DENND6A: variants seen among roughly 807,000 people sequenced by gnomAD.
DENND6A encodes the protein protein DENND6A.
Under a neutral mutation model 95.5 loss-of-function variants are expected in DENND6A, and 43 were observed. The observed-to-expected ratio is 0.45, with a 90% CI of 0.35 to 0.58. The LOEUF is 0.58. Ranked by LOEUF, DENND6A falls within the 20% of genes least tolerant of loss-of-function variation. The pLI is 0.00. For synonymous variants in DENND6A, 257 were observed against 260.4 expected (o/e 0.99, Z 0.13); for missense variants, 574 against 736.0 (o/e 0.78, Z 2.55).
intron 12 of DENND6A, among the ~76,000 whole-genome samples, chr3:57,636,669 G>T (rs1427766726): frequency 6.6e-6 from 1 of 152,160 alleles, no homozygotes; most frequent in Non-Finnish European, 1.5e-5. Flanking sequence ...GGGCGTGGTG[G>T]CTCACGCCTG....
At chr3:57,661,298 G>T in intron 6 of DENND6A, 148 bp downstream of exon 6, 1 of 612,532 alleles carries the variant, frequency 1.6e-6, no homozygotes, top group Non-Finnish European at 2.6e-6. Context: ...ACAGATGCCA[G>T]AAAAATAGTT....
In DENND6A at chr3:57,672,271, GAA is replaced by G. The variant is rs770887055; in HGVS notation, c.302_303del (p.Phe101SerfsTer16). 1.2e-6 allele frequency: 2 copies of G among 1,609,786 alleles called. No individual in the cohort carries two copies. The highest frequency in any genetic ancestry group is 1.7e-6 in the Non-Finnish European group (2 of 1,178,600). ...REKTNICYLS[F>X]PDSNSGCLGD... ...AAACAGTTACCTGAATTTGAATCTG[GAA>G]AAGACAAATAGCAAATATTGGTTTT... On this transcript the variant is annotated frameshift_variant, in exon 3 of 20. Coordinates refer to ENST00000311128, the MANE Select transcript of DENND6A (RefSeq NM_152678.3). LOFTEE classifies it high-confidence loss of function.
intron 5 of DENND6A, among the ~76,000 whole-genome samples, chr3:57,663,264 A>C (rs2071460956): frequency 6.6e-6 from 1 of 151,370 alleles, no homozygotes; most frequent in African/African-American, 2.4e-5. Flanking sequence ...CAAGAGTTCA[A>C]GACCAGCCTG....
In DENND6A at chr3:57,645,435, T is replaced by G. The variant is rs148489164; in HGVS notation, c.1037+226A>C. Among the ~76,000 whole-genome samples, 752 of 152,306 alleles carry G rather than the reference T, an allele frequency of 4.9e-3. 5 individuals carry two copies. The highest frequency in any genetic ancestry group is 0.017 in the African/African-American group (714 of 41,564). On this transcript the variant is annotated intron_variant, in intron 11 of 19. Coordinates refer to ENST00000311128, the MANE Select transcript of DENND6A (RefSeq NM_152678.3). ...GAGATCATGCCACTGCACTCCAGCC[T>G]GGGCGACAGAGCAAACCTCTGTCTC...
chr3:57,634,672 A>G (rs1299875676), intron 13 of DENND6A, 32 bp downstream of exon 13: 1 of 1,502,468 alleles, frequency 6.7e-7, no homozygotes, highest in Non-Finnish European at 8.9e-7. Context: ...TACCATATAA[A>G]TATATATTTA....
chr3:57,658,435 G>A (rs2071367099), intron 8 of DENND6A, among the ~76,000 whole-genome samples: 2 of 152,080 alleles, frequency 1.3e-5, no homozygotes, highest in South Asian at 4.1e-4. Context: ...AGGCTGAGGT[G>A]GGAGAATCAC....
chr3:57,633,801 A>C (rs2070736226), intron 14 of DENND6A, among the ~76,000 whole-genome samples: 1 of 152,008 alleles, frequency 6.6e-6, no homozygotes. Flanking sequence ...GAGACAGAAG[A>C]ATTGCTTGAA....
intron 11 of DENND6A, among the ~76,000 whole-genome samples, chr3:57,643,384 T>A (rs1472760558): frequency 6.6e-6 from 1 of 152,140 alleles, no homozygotes; most frequent in Admixed American, 6.5e-5. Context: ...CTATCTTCTA[T>A]GGGGCAATGT....
intron 1 of DENND6A, among the ~76,000 whole-genome samples, chr3:57,684,588 A>T (rs2077195774): frequency 6.6e-6 from 1 of 152,050 alleles, no homozygotes. Flanking sequence ...GTTCAAGACC[A>T]GTCTGGGCAA....
chr3:57,632,655 GC>G (rs764237323), intron 15 of DENND6A, among the ~76,000 whole-genome samples: 4 of 152,112 alleles, frequency 2.6e-5, no homozygotes, highest in Admixed American at 6.6e-5. Context: ...ATTAATAACT[GC>G]AAAAAGTTTC....
intron 9 of DENND6A, 169 bp downstream of exon 9, chr3:57,657,510 CA>C: frequency 5.0e-6 from 2 of 397,764 alleles, no homozygotes; most frequent in South Asian, 5.2e-5. Context: ...CCCTAATTGT[CA>C]AAGCTTATAA....
intron 1 of DENND6A, among the ~76,000 whole-genome samples, chr3:57,681,770 C>A (rs2077168252): frequency 6.6e-6 from 1 of 151,890 alleles, no homozygotes; most frequent in Admixed American, 6.6e-5. Context: ...CATACTATGA[C>A]ATGGATGAAC....
chr3:57,685,659 G>A (rs1295934412), intron 1 of DENND6A, among the ~76,000 whole-genome samples: 2 of 152,032 alleles, frequency 1.3e-5, no homozygotes, highest in Non-Finnish European at 2.9e-5. Context: ...TTGTTTACAT[G>A]TTTGCAAATA....
At chr3:57,651,311 A>G (rs997585757) in intron 9 of DENND6A, among the ~76,000 whole-genome samples, 1 of 152,244 alleles carries the variant, frequency 6.6e-6, no homozygotes, top group Admixed American at 6.5e-5. Flanking sequence ...TGGGTTTAAC[A>G]GGACATAACC....
At chr3:57,673,619 G>T (rs1215001033) in intron 1 of DENND6A, among the ~76,000 whole-genome samples, 2 of 152,222 alleles carry the variant, frequency 1.3e-5, no homozygotes, top group African/African-American at 4.8e-5. Context: ...AATGCTTGAA[G>T]TGATGGATAT....
Position 57,629,575 on chromosome 3 carries a change from G to C in DENND6A, c.1621-690C>G, listed in dbSNP as rs544065426. Among the ~76,000 whole-genome samples the C allele has an allele frequency of 6.4e-4, 93 of 144,230 alleles. 1 individual carries two copies. Among genetic ancestry groups the C allele is most frequent in the African/African-American group, 2.3e-3 (88 of 38,874 alleles). The allele number at this position is 144,230 out of a possible 152,430, so 94.6% of individuals were successfully genotyped here. ...CGCCCAGGCTGGAGCACAGTGGCGCGATCTCAGCTCACTGCAAGCTCCGCC... is the reference window on the plus strand; with the variant it reads ...CGCCCAGGCTGGAGCACAGTGGCGCCATCTCAGCTCACTGCAAGCTCCGCC... On this transcript the variant is annotated intron_variant, in intron 18 of 19. Coordinates refer to ENST00000311128, the MANE Select transcript of DENND6A (RefSeq NM_152678.3).
At chr3:57,668,372 A>ACT (rs1290402876) in intron 3 of DENND6A, among the ~76,000 whole-genome samples, 2 of 152,138 alleles carry the variant, frequency 1.3e-5, no homozygotes, top group African/African-American at 4.8e-5. Flanking sequence ...ATTGCTTCAA[A>ACT]CTCTCTCTAC....
chr3:57,683,769 G>C (rs893591206), intron 1 of DENND6A, among the ~76,000 whole-genome samples: 1 of 152,122 alleles, frequency 6.6e-6, no homozygotes, highest in Admixed American at 6.6e-5. Context: ...ACAGTATAGT[G>C]GGGGGAAATT....
chr3:57,628,327 G>A lies in DENND6A; in HGVS notation c.1714C>T (p.His572Tyr). The A allele has an allele frequency of 6.2e-7, 1 of 1,613,930 alleles. No individual in the cohort carries two copies. Among genetic ancestry groups the A allele is most frequent in the Non-Finnish European group, 8.5e-7 (1 of 1,179,966 alleles). Residue 572 changes from histidine (H) to tyrosine (Y), a missense_variant, in exon 20 of 20, where the codon CAC becomes TAC. Physicochemically the swap from His to Tyr is moderately conservative, Grantham distance 83. Around this residue, in one of 2 missense-constraint regions of DENND6A, gnomAD observed 452 missense variants for 630.9 expected, o/e 0.72. Coordinates refer to ENST00000311128, the MANE Select transcript of DENND6A (RefSeq NM_152678.3). ...ATAGTGTCAGGTTTCACAGGTAAGT[G>A]CTCTCGATCAGCCTGCAACTACATA... is the stretch of plus-strand genomic sequence containing the variant. ...KNKLLQADRE[H>Y]LPVKPDTMEK... is the part of the protein sequence containing the mutation.
Sources: allele counts gnomAD v4.1 joint callset (sites outside exome capture counted in the v4.1 genomes callset), GRCh38; gene constraint gnomAD v4.1.1; regional missense constraint gnomAD v4.1.1; transcripts MANE v1.5; gene names NCBI Gene and HGNC (gene_info 2026-07-23, HGNC 2026-07-21).